The following PPP1R21 variants were observed in gnomAD, a reference collection of about 807,000 sequenced individuals.
PPP1R21 encodes the protein KLRAQ motif containing 1.
In PPP1R21, 85 loss-of-function variants were observed where a neutral mutation model predicts 112.8. That is an observed-to-expected ratio of 0.75 (90% CI 0.63 to 0.90). The LOEUF (loss-of-function observed/expected upper bound fraction) is 0.90. Ranked by LOEUF, PPP1R21 falls within the 40% of genes least tolerant of loss-of-function variation. The probability of loss-of-function intolerance (pLI) is 0.00; values close to 1 mark genes in which losing one functional copy is unlikely to be tolerated. For synonymous variants in PPP1R21, 381 were observed against 322.3 expected (o/e 1.18, Z -1.95); for missense variants, 1,199 against 901.5 (o/e 1.33, Z -4.23).
chr2:48,499,698 C>T (rs1032531884), intron 17 of PPP1R21, among the ~76,000 whole-genome samples: 2 of 152,208 alleles, frequency 1.3e-5, no homozygotes, highest in East Asian at 1.9e-4. Context: ...CCATCAGGTT[C>T]TTTTTCATGA....
At chr2:48,505,711 C>T in intron 18 of PPP1R21, 115 bp downstream of exon 18, 3 of 874,126 alleles carry the variant, frequency 3.4e-6, no homozygotes, top group Non-Finnish European at 5.6e-6. Context: ...TTTCCTGACA[C>T]TTCTAGCAAA....
chr2:48,461,358 C>G, intron 7 of PPP1R21, 126 bp downstream of exon 7: 1 of 1,307,554 alleles, frequency 7.6e-7, no homozygotes, highest in Non-Finnish European at 9.8e-7. Context: ...ATTGCTTTCT[C>G]TTTGTTCATT....
chr2:48,466,715 C>T (rs1234861854), intron 9 of PPP1R21, among the ~76,000 whole-genome samples: 5 of 151,888 alleles, frequency 3.3e-5, no homozygotes, highest in Non-Finnish European at 7.4e-5. Flanking sequence ...ACACTTTTTC[C>T]CCCAGAAGAG....
chr2:48,469,415 GCAT>G (rs1668376383), intron 9 of PPP1R21, among the ~76,000 whole-genome samples: 1 of 90,062 alleles, frequency 1.1e-5, no homozygotes, highest in East Asian at 2.4e-4. Context: ...TAGAGAGAGA[GCAT>G]ATATATATAG....
intron 17 of PPP1R21, among the ~76,000 whole-genome samples, chr2:48,503,952 C>A (rs75210138): frequency 1.8e-3 from 240 of 135,662 alleles, no homozygotes; most frequent in Non-Finnish European, 1.7e-3. Context: ...GACTATGTCT[C>A]AAAAAAAAAA....
rs6748370 is a variant in PPP1R21 at position 48,441,428 on chromosome 2, T to C, written c.57+418T>C. On this transcript the variant is annotated intron_variant, in intron 1 of 21. Transcript: ENST00000294952. ...CTTCTCCCCTCCCACAGGGATGATA[T>C]GAGGTTAAAGAGATTTATCTTCCCC... The C allele has an allele frequency of 2.6e-3, 717 of 275,462 alleles. 5 individuals are homozygous for C. The highest frequency in any genetic ancestry group is 0.016 in the African/African-American group (688 of 42,586). 17.1% of individuals were successfully genotyped at this position (275,462 alleles called of 1,614,324 possible).
intron 7 of PPP1R21, 101 bp downstream of exon 7, chr2:48,461,333 T>C: frequency 7.4e-7 from 1 of 1,360,118 alleles, no homozygotes; most frequent in Non-Finnish European, 9.5e-7. Context: ...AAAAATTTAA[T>C]TGGCCCCACA....
Position 48,471,337 on chromosome 2 carries a change from T to G in PPP1R21, c.1058T>G (p.Leu353Arg). The part of the protein sequence containing the change: ...SEHLTSYICF[L>R]RKILPYQLKS... ...CACTTAACCTCCTACATATGTTTTC[T>G]TAGGAAGATTCTTCCCTATCAGTTA... Residue 353 changes from leucine (L) to arginine (R), a missense_variant, in exon 11 of 22, where the codon CTT (leucine) becomes CGT (arginine). Leu to Arg is a moderately radical substitution (Grantham distance 102). Transcript: ENST00000294952. 1 of 1,609,830 alleles carries G rather than the reference T, an allele frequency of 6.2e-7. No individual in the cohort carries two copies. The highest frequency in any genetic ancestry group is 8.5e-7 in the Non-Finnish European group (1 of 1,178,782).
intron 15 of PPP1R21, among the ~76,000 whole-genome samples, chr2:48,494,947 T>G (rs912595987): frequency 6.6e-5 from 10 of 152,108 alleles, no homozygotes; most frequent in Non-Finnish European, 1.5e-4. Context: ...CCTCAAGCAA[T>G]CCATCACCTC....
chr2:48,494,169 G>A lies in PPP1R21; in HGVS notation c.1600-1510G>A, dbSNP rs141063027. 1.1e-4 allele frequency among the ~76,000 whole-genome samples: 16 copies of A among 141,868 alleles called. No individual in the cohort carries two copies. In the East Asian group the frequency reaches 3.3e-3, roughly 29 times the overall value. 93.1% of individuals were successfully genotyped at this position (141,868 alleles called of 152,430 possible). ...CAGGAGGAGCCCTGGAGTCTGGGAG[G>A]TCAAGGCTGCAGTGAGTCGTGATCA... On this transcript the variant is annotated intron_variant, in intron 15 of 21. Transcript: ENST00000294952.
chr2:48,464,525 A>C (rs1449183261), intron 7 of PPP1R21, among the ~76,000 whole-genome samples: 1 of 152,086 alleles, frequency 6.6e-6, no homozygotes, highest in Non-Finnish European at 1.5e-5. Context: ...ACAGTGATAG[A>C]TTTTTCCGGT....
chr2:48,454,835 ATTAT>A, intron 3 of PPP1R21, 94 bp downstream of exon 3: 1 of 958,844 alleles, frequency 1.0e-6, no homozygotes, highest in South Asian at 1.4e-5. Context: ...CCACTGCCGA[ATTAT>A]TTTTTTCTTT....
At chr2:48,455,984 C>T (rs1479006629) in intron 3 of PPP1R21, among the ~76,000 whole-genome samples, 2 of 141,386 alleles carry the variant, frequency 1.4e-5, no homozygotes, top group Non-Finnish European at 3.0e-5. Context: ...CACTGCGCTC[C>T]GACCTGGGTG....
chr2:48,514,058 A>G (rs1156833393), intron 21 of PPP1R21, among the ~76,000 whole-genome samples: 2 of 151,128 alleles, frequency 1.3e-5, no homozygotes, highest in African/African-American at 4.9e-5. Flanking sequence ...TATTTAAACA[A>G]TGACGAGACA....
intron 16 of PPP1R21, among the ~76,000 whole-genome samples, chr2:48,496,932 T>C (rs757003833): frequency 4.6e-5 from 7 of 152,234 alleles, no homozygotes; most frequent in Admixed American, 2.0e-4. Flanking sequence ...ACATGGAAAG[T>C]CTGCACCCCT....
At chr2:48,460,201 A>T (rs1667916279) in intron 6 of PPP1R21, 48 bp downstream of exon 6, 1 of 1,590,270 alleles carries the variant, frequency 6.3e-7, no homozygotes, top group African/African-American at 1.3e-5. Flanking sequence ...AAGACTCAGA[A>T]GACATGGGTT....
At chr2:48,494,639 C>T (rs529523315) in intron 15 of PPP1R21, among the ~76,000 whole-genome samples, 1 of 152,146 alleles carries the variant, frequency 6.6e-6, no homozygotes, top group South Asian at 2.1e-4. Context: ...TGGTCTCGAA[C>T]TCCTGACCTT....
At chr2:48,467,922 A>G (rs1332062685) in intron 9 of PPP1R21, among the ~76,000 whole-genome samples, 1 of 152,240 alleles carries the variant, frequency 6.6e-6, no homozygotes, top group African/African-American at 2.4e-5. Context: ...AATATGAGTC[A>G]TGCCATTCGT....
intron 7 of PPP1R21, among the ~76,000 whole-genome samples, chr2:48,462,678 C>T (rs979690327): frequency 5.9e-5 from 9 of 152,136 alleles, no homozygotes; most frequent in African/African-American, 2.2e-4. Flanking sequence ...GGACTGGACC[C>T]TAGTGTTCTG....
Sources: gnomAD v4.1 joint callset for allele counts (sites outside exome capture counted in the v4.1 genomes callset) on GRCh38, gnomAD v4.1.1 for gene constraint, MANE v1.5 for transcripts, NCBI Gene and HGNC (gene_info 2026-07-23, HGNC 2026-07-21) for gene names.